PADI3: variants seen among roughly 807,000 people sequenced by gnomAD.
PADI3 encodes peptidyl arginine deiminase 3, also known as protein-arginine deiminase type-3.
In PADI3, 53 loss-of-function variants were observed where a neutral mutation model predicts 71.5. That is an observed-to-expected ratio of 0.74 (90% CI 0.59 to 0.93). The LOEUF (loss-of-function observed/expected upper bound fraction) is 0.93. Among genes scored for constraint, PADI3 ranks in the 40% least tolerant of loss-of-function variants. PADI3 has a pLI of 0.00. For synonymous variants in PADI3, 361 were observed against 347.5 expected, an observed-to-expected ratio of 1.04 and a Z score of -0.43; for missense variants, 821 against 868.0, an observed-to-expected ratio of 0.95 and a Z score of 0.68.
chr1:17,276,474 G>A, intron 11 of PADI3, 45 bp from the exon 12 acceptor site: 1 of 1,606,284 alleles, frequency 6.2e-7, no homozygotes, highest in Non-Finnish European at 8.5e-7. Context: ...TCTGCATGGA[G>A]TCTTTTTAGT....
At chr1:17,273,808 G>A (rs529461145) in intron 10 of PADI3, among the ~76,000 whole-genome samples, 3 of 152,250 alleles carry the variant, frequency 2.0e-5, no homozygotes, top group Non-Finnish European at 4.4e-5. Context: ...TTTAGGGTCA[G>A]ACCAACCCTG....
rs1328033017 is a variant in PADI3, at chr1:17,259,634, T to C, written c.149T>C (p.Ile50Thr). The change falls in exon 2 of 16, where the codon ATC becomes ACC. Residue 50 changes from isoleucine (I) to threonine (T), a missense_variant. Transcript: ENST00000375460. ...FEVYGTPGVD[I>T]YISPNMERGR... ...GTCTATGGGACGCCTGGCGTGGACA[T>C]CTACATCTCTCCCAACATGGAGAGG... 6.2e-7 allele frequency: 1 copy of C among 1,613,600 alleles called. No homozygotes were observed. The highest frequency in any genetic ancestry group is 2.2e-5 in the East Asian group (1 of 44,874).
rs141356370 is a variant in PADI3 at position 17,273,387 on chromosome 1, G to A, written c.1095G>A (p.Pro365=). The A allele has an allele frequency of 6.1e-5, 98 of 1,613,790 alleles. 1 individual carries two copies. The African/African-American group carries it at 7.1e-4, about 12-fold the overall frequency. ...TTCAGGCGCCGCACAAGACCCTCCC[G>A]GTGGTCTTTGACTCCCCAAGGAATG... The part of the protein sequence containing the change: ...GYVQAPHKTL[P]VVFDSPRNGE... Residue 365 remains proline (P), a synonymous_variant, in exon 10 of 16, where the codon CCG becomes CCA. Coordinates refer to ENST00000375460, the MANE Select transcript of PADI3 (RefSeq NM_016233.2).
rs1171034441 is a variant in PADI3 at position 17,259,583 on chromosome 1, T to G, written c.98T>G (p.Val33Gly). ...VETLVDIYGS[V>G]PEGTEMFEVY... ...TGGCTCTCTGCCCTGCCCAGGTCAG[T>G]GCCTGAGGGCACAGAAATGTTTGAG... Residue 33 changes from valine (V) to glycine (G), a missense_variant, in exon 2 of 16, where the codon GTG becomes GGG. Transcript: ENST00000375460. 2 of 1,606,132 alleles carry G rather than the reference T, an allele frequency of 1.2e-6. No individual in the cohort carries two copies. The highest frequency in any genetic ancestry group is 1.7e-6 in the Non-Finnish European group (2 of 1,175,318).
chr1:17,276,484 T>G (rs1366100794), intron 11 of PADI3, 35 bp from the exon 12 acceptor site: 3 of 1,612,348 alleles, frequency 1.9e-6, no homozygotes, highest in Non-Finnish European at 2.5e-6. Flanking sequence ...GTCTTTTTAG[T>G]TAAGCAACTT....
chr1:17,282,413 G>GT (rs1435526287), intron 15 of PADI3, among the ~76,000 whole-genome samples: 1 of 152,148 alleles, frequency 6.6e-6, no homozygotes. Context: ...ACAAAGATGA[G>GT]TATGGCCATG....
At position 17,280,435 on chromosome 1, in the gene PADI3, AG is replaced by A; in HGVS notation, c.1635+9del. 6.2e-7 allele frequency: 1 copy of A among 1,610,282 alleles called. No individual in the cohort carries two copies. The highest frequency in any genetic ancestry group is 8.5e-7 in the Non-Finnish European group (1 of 1,176,442). ...ACTACAATAAGTTTGTGCAGGTACA[AG>A]GGCTGTGGTGTACCTGTGGGCTGTG... On this transcript the variant is annotated splice_region_variant and intron_variant, in intron 14 of 15. Transcript: ENST00000375460.
chr1:17,274,609 C>T (rs2073299888), intron 10 of PADI3, 26 bp from the exon 11 acceptor site: 2 of 1,597,268 alleles, frequency 1.3e-6, no homozygotes, highest in South Asian at 2.2e-5. Flanking sequence ...CCCTCCACCC[C>T]CGCCTGACTT....
At chr1:17,249,880 G>T (rs772415988) in intron 1 of PADI3, among the ~76,000 whole-genome samples, 3 of 152,214 alleles carry the variant, frequency 2.0e-5, no homozygotes, top group Non-Finnish European at 4.4e-5. Flanking sequence ...GTTTAAACCC[G>T]CTTGTGGTCT....
chr1:17,252,485 C>G (rs1210133914), intron 1 of PADI3, among the ~76,000 whole-genome samples: 1 of 151,442 alleles, frequency 6.6e-6, no homozygotes, highest in Non-Finnish European at 1.5e-5. Context: ...TTACTGCAGC[C>G]TGGACCTCCC....
At chr1:17,259,789 G>A (rs2073080989) in intron 2 of PADI3, 31 bp downstream of exon 2, 1 of 1,564,136 alleles carries the variant, frequency 6.4e-7, no homozygotes, top group Middle Eastern at 1.7e-4. Flanking sequence ...GTGGGGAGAG[G>A]TTTCGAGGGA....
Position 17,280,418 on chromosome 1 carries a change from A to G in PADI3, c.1624A>G (p.Lys542Glu), listed in dbSNP as rs2073385813. The G allele has an allele frequency of 1.2e-6, 2 of 1,613,248 alleles. No individual in the cohort carries two copies. Among genetic ancestry groups the G allele is most frequent in the African/African-American group, 2.7e-5 (2 of 74,860 alleles). The change falls in exon 14 of 16, where the codon AAG becomes GAG. Residue 542 changes from lysine (K) to glutamate (E), a missense_variant. By Grantham distance (56) the Lys-to-Glu change is moderately conservative. Transcript: ENST00000375460. ...LSNKDLINYN[K>E]FVQSCIDWNR... The stretch of plus-strand genomic sequence containing the variant: ...CAATAAAGACCTCATCAACTACAAT[A>G]AGTTTGTGCAGGTACAAGGGCTGTG...
At chr1:17,270,443 A>G (rs1220177155) in intron 7 of PADI3, 32 bp downstream of exon 7, 33 of 1,581,942 alleles carry the variant, frequency 2.1e-5, no homozygotes, top group Non-Finnish European at 2.8e-5. Context: ...GAGGAGCTCC[A>G]CTCGGGACCA....
rs148039282 is a variant in PADI3, at chr1:17,276,580, C to T, written c.1369C>T (p.Pro457Ser). 4,030 of 1,614,088 alleles carry T rather than the reference C, an allele frequency of 2.5e-3. 11 individuals are homozygous for T. The highest frequency in any genetic ancestry group is 2.9e-3 in the Non-Finnish European group (3,367 of 1,179,986). Residue 457 changes from proline to serine, a missense_variant, in exon 12 of 16, where the codon CCC becomes TCC. By Grantham distance (74) the Pro-to-Ser change is moderately conservative. Coordinates refer to ENST00000375460, the MANE Select transcript of PADI3 (RefSeq NM_016233.2). Reference sequence around the variant, plus strand: ...CTTCCTCCATGCCCAGAAGGTGCAGCCCCCCGTGGAGCTCTTTGTGGACTG... The same window carrying T: ...CTTCCTCCATGCCCAGAAGGTGCAGTCCCCCGTGGAGCTCTTTGTGGACTG... ...RDFLHAQKVQ[P>S]PVELFVDWLA...
intron 1 of PADI3, among the ~76,000 whole-genome samples, chr1:17,252,536 T>G (rs1306493026): frequency 6.6e-6 from 1 of 151,974 alleles, no homozygotes; most frequent in Admixed American, 6.6e-5. Flanking sequence ...CCCGAGTAGC[T>G]GGGACTACAG....
chr1:17,280,774 C>A lies in PADI3; in HGVS notation c.1739C>A (p.Ala580Glu). The A allele has an allele frequency of 6.2e-7, 1 of 1,614,138 alleles. No homozygotes were observed. Among genetic ancestry groups the A allele is most frequent in the East Asian group, 2.2e-5 (1 of 44,880 alleles). ...CTCTTCAAGACCGAGAGGAAAAAAG[C>A]AACGGCCTTCTTCCCTGACTTGGTG... The part of the protein sequence containing the change: ...PQLFKTERKK[A>E]TAFFPDLVNM... Residue 580 changes from alanine (A) to glutamate (E), a missense_variant, in exon 15 of 16, where the codon GCA becomes GAA. Physicochemically the swap from Ala to Glu is moderately radical, Grantham distance 107. Transcript: ENST00000375460.
intron 13 of PADI3, 104 bp from the exon 14 acceptor site, chr1:17,280,246 G>T: frequency 1.1e-6 from 1 of 878,670 alleles, no homozygotes; most frequent in South Asian, 1.4e-5. Context: ...GACTCGGCAA[G>T]ACCATTAGCT....
chr1:17,254,777 G>A (rs988410989), intron 1 of PADI3, among the ~76,000 whole-genome samples: 6 of 149,964 alleles, frequency 4.0e-5, no homozygotes, highest in Admixed American at 6.7e-5. Context: ...GAGTGCAATG[G>A]GGCTATCTTG....
chr1:17,273,228 C>T, intron 9 of PADI3, 112 bp from the exon 10 acceptor site: 1 of 747,046 alleles, frequency 1.3e-6, no homozygotes. Flanking sequence ...ACAAAACATG[C>T]TTGGGCCAGG....
Sources: gnomAD v4.1 joint callset for allele counts (sites outside exome capture counted in the v4.1 genomes callset) on GRCh38, gnomAD v4.1.1 for gene constraint, MANE v1.5 for transcripts, NCBI Gene and HGNC (gene_info 2026-07-23, HGNC 2026-07-21) for gene names.